CEP295: variants seen among roughly 807,000 people sequenced by gnomAD.
CEP295 encodes the protein centrosomal protein of 295 kDa.
Under a neutral mutation model 291.6 loss-of-function variants are expected in CEP295, and 190 were observed. That is an observed-to-expected ratio of 0.65 (90% confidence interval 0.58 to 0.73). The LOEUF is 0.73. Ranked by LOEUF, CEP295 falls within the 30% of genes least tolerant of loss-of-function variation. CEP295 has a pLI of 0.00. For missense variants in CEP295, 2,863 were observed against 2,949.4 expected (o/e 0.97, Z 0.68); for synonymous variants, 993 against 1,038.8 (o/e 0.96, Z 0.85).
intron 3 of CEP295, 97 bp downstream of exon 3, chr11:93,667,904 AT>A (rs773071230): frequency 1.6e-4 from 137 of 856,568 alleles, no homozygotes; most frequent in Non-Finnish European, 2.2e-4. Context: ...ATTTTCATGC[AT>A]TGAATTTCTT....
chr11:93,722,083 A>C, intron 20 of CEP295, 33 bp downstream of exon 20: 1 of 1,286,736 alleles, frequency 7.8e-7, no homozygotes, highest in African/African-American at 1.5e-5. Context: ...AAATAAGTTG[A>C]AAGACCGGCA....
intron 12 of CEP295, among the ~76,000 whole-genome samples, chr11:93,692,972 CAAA>C (rs780110779): frequency 1.3e-5 from 1 of 77,810 alleles, no homozygotes. Context: ...GACTCTATCT[CAAA>C]AAAAAAAAAA....
In CEP295 at chr11:93,684,898, C is replaced by T. The variant is rs80209791; in HGVS notation, c.1114+770C>T. On this transcript the variant is annotated intron_variant, in intron 9 of 29. Coordinates refer to ENST00000325212, the MANE Select transcript of CEP295 (RefSeq NM_033395.2). ...GATCATCAGAGATCCTACTGGTATT[C>T]AGTTATTTCTAGGTACTTCGTGTGT... 3.6e-3 allele frequency among the ~76,000 whole-genome samples: 546 copies of T among 152,312 alleles called. 4 individuals are homozygous for T. Among genetic ancestry groups the T allele is most frequent in the African/African-American group, 0.012 (516 of 41,568 alleles).
intron 9 of CEP295, among the ~76,000 whole-genome samples, chr11:93,686,247 A>G (rs1046469465): frequency 6.6e-6 from 1 of 151,874 alleles, no homozygotes; most frequent in Non-Finnish European, 1.5e-5. Context: ...TGAACCTGGG[A>G]GACAAAGGCT....
At chr11:93,676,416 G>T (rs891541986) in intron 6 of CEP295, among the ~76,000 whole-genome samples, 2 of 151,800 alleles carry the variant, frequency 1.3e-5, no homozygotes, top group Non-Finnish European at 2.9e-5. Context: ...GTCAGTGGGG[G>T]TTTTAATTTT....
chr11:93,687,557 A>G, intron 9 of CEP295, 87 bp from the exon 10 acceptor site: 1 of 687,088 alleles, frequency 1.5e-6, no homozygotes, highest in Non-Finnish European at 2.4e-6. Context: ...ACTAGTGGTT[A>G]TAGCAGTAAC....
chr11:93,683,553 T>G lies in CEP295; in HGVS notation c.766-6T>G. 6.7e-7 allele frequency: 1 copy of G among 1,496,392 alleles called. No homozygotes were observed. The highest frequency in any genetic ancestry group is 8.9e-7 in the Non-Finnish European group (1 of 1,128,246). The allele number at this position is 1,496,392 out of a possible 1,614,324, so 92.7% of individuals were successfully genotyped here. A position where few individuals can be genotyped will look rare whatever the true frequency, so the allele number is the denominator to read the frequency against. ...CAGTTTTTGTTAATTCTCTTTATTC[T>G]TGAAGAATCAGGAGAAACTAATGAA... is the stretch of plus-strand genomic sequence containing the variant. On this transcript the variant is annotated splice_region_variant and splice_polypyrimidine_tract_variant and intron_variant, in intron 7 of 29. Transcript: ENST00000325212.
chr11:93,724,360 CA>C lies in CEP295; in HGVS notation c.6304del (p.Arg2102GlufsTer29). Reference protein sequence around the residue: ...SSSSGISPDNRDFYQRSDSSS... With the variant: ...SSSSGISPDNXDFYQRSDSSS... Reference sequence around the variant, plus strand: ...CATCCTCTGGGATTTCTCCAGACAACAGAGACTTTTACCAGGTATATTAAAG... The same window carrying C: ...CATCCTCTGGGATTTCTCCAGACAACGAGACTTTTACCAGGTATATTAAAG... On this transcript the variant is annotated frameshift_variant, in exon 22 of 30. Transcript: ENST00000325212. LOFTEE classifies it high-confidence loss of function. 3 of 1,550,106 alleles carry C rather than the reference CA, an allele frequency of 1.9e-6. No homozygotes were observed. The highest frequency in any genetic ancestry group is 2.6e-6 in the Non-Finnish European group (3 of 1,145,642).
intron 18 of CEP295, among the ~76,000 whole-genome samples, chr11:93,713,488 C>G (rs1212820784): frequency 6.6e-6 from 1 of 152,178 alleles, no homozygotes; most frequent in Non-Finnish European, 1.5e-5. Flanking sequence ...TGTCATGCCA[C>G]TCGCTCCTGG....
chr11:93,716,330 C>A (rs948093690), intron 18 of CEP295, among the ~76,000 whole-genome samples: 1 of 152,162 alleles, frequency 6.6e-6, no homozygotes, highest in Non-Finnish European at 1.5e-5. Context: ...ATTCTCTCTC[C>A]GCACCATGTG....
chr11:93,716,661 T>C, intron 18 of CEP295, among the ~76,000 whole-genome samples: 1 of 152,174 alleles, frequency 6.6e-6, no homozygotes, highest in East Asian at 1.9e-4. Flanking sequence ...GGGGGTGGGC[T>C]AGCTTGAAGC....
In CEP295 at chr11:93,727,534, A is replaced by T. The variant is rs1426089706; in HGVS notation, c.7058A>T (p.Glu2353Val). 6.4e-7 allele frequency: 1 copy of T among 1,551,654 alleles called. No individual in the cohort carries two copies. Among genetic ancestry groups the T allele is most frequent in the Admixed American group, 2.0e-5 (1 of 51,002 alleles). Residue 2353 changes from glutamate (E) to valine (V), a missense_variant, in exon 24 of 30, where the codon GAA (glutamate) becomes GTA (valine). Around this residue, in one of 3 missense-constraint regions of CEP295, gnomAD observed 2,295 missense variants for 2,335.7 expected, o/e 0.98. Transcript: ENST00000325212. The part of the protein sequence containing the change: ...QNEKYFENSA[E>V]TDIPKITKKL... ...GAAAAATATTTTGAGAATTCAGCTG[A>T]AACAGACATTCCAAAAATCACCAAA... is the stretch of plus-strand genomic sequence containing the variant.
rs1039897581 is a variant in CEP295 at position 93,727,150 on chromosome 11, T to C, written c.6674T>C (p.Ile2225Thr). 1 of 1,550,506 alleles carries C rather than the reference T, an allele frequency of 6.4e-7. No individual in the cohort carries two copies. The highest frequency in any genetic ancestry group is 1.2e-5 in the South Asian group (1 of 83,760). The change falls in exon 24 of 30, where the codon ATT (isoleucine) becomes ACT (threonine). Residue 2225 changes from isoleucine (I) to threonine (T), a missense_variant. Coordinates refer to ENST00000325212, the MANE Select transcript of CEP295 (RefSeq NM_033395.2). ...HTEILQNKKK[I>T]VHFQLSIGNL... ...GAAATATTACAAAACAAGAAAAAAATTGTTCATTTCCAGCTTTCTATAGGA... is the reference window on the plus strand; with the variant it reads ...GAAATATTACAAAACAAGAAAAAAACTGTTCATTTCCAGCTTTCTATAGGA...
chr11:93,720,150 CA>C (rs2135298570), intron 18 of CEP295, among the ~76,000 whole-genome samples: 1 of 150,426 alleles, frequency 6.6e-6, no homozygotes, highest in South Asian at 2.1e-4. Context: ...TTCAGGCTAG[CA>C]GTTCAAGACC....
intron 18 of CEP295, among the ~76,000 whole-genome samples, chr11:93,717,742 TTTTC>T (rs1953377608): frequency 6.6e-6 from 1 of 152,174 alleles, no homozygotes; most frequent in Non-Finnish European, 1.5e-5. Context: ...CTCATTTTTT[TTTTC>T]TTTATCAGGG....
intron 18 of CEP295, among the ~76,000 whole-genome samples, chr11:93,715,520 C>A (rs1953182288): frequency 6.6e-6 from 1 of 152,106 alleles, no homozygotes; most frequent in African/African-American, 2.4e-5. Context: ...AGGCAAAGTC[C>A]CCTTTATTCT....
Position 93,699,912 on chromosome 11 carries a change from G to A in CEP295, c.5000G>A (p.Ser1667Asn), listed in dbSNP as rs182524949. ...CCTTTTGCAGAAGCTAAACCTAAAA[G>A]CACTTGTGAATTGTATTCATCCCAG... Reference protein sequence around the residue: ...PLPFAEAKPKSTCELYSSQNE... With the variant: ...PLPFAEAKPKNTCELYSSQNE... The change falls in exon 15 of 30, where the codon AGC becomes AAC. Residue 1667 changes from serine to asparagine, a missense_variant. Coordinates refer to ENST00000325212, the MANE Select transcript of CEP295 (RefSeq NM_033395.2). The A allele has an allele frequency of 1.9e-6, 3 of 1,551,726 alleles. No individual in the cohort carries two copies. Among genetic ancestry groups the A allele is most frequent in the Non-Finnish European group, 2.6e-6 (3 of 1,147,000 alleles).
intron 18 of CEP295, among the ~76,000 whole-genome samples, chr11:93,712,877 G>GTTGTTT (rs1316557048): frequency 1.0e-4 from 15 of 146,124 alleles, no homozygotes; most frequent in African/African-American, 3.8e-4. Flanking sequence ...TGTTGTTGTT[G>GTTGTTT]TTGTTGTTGT....
In CEP295 at chr11:93,730,299, ATT is replaced by A; in HGVS notation, c.*31_*32del. On this transcript the variant is annotated 3_prime_UTR_variant, in exon 30 of 30. Transcript: ENST00000325212. ...CTAGAAATAGTGTAAAGGTTTTTTA[ATT>A]GTGTATATGTAGCATTAGACAAAAT... 1.4e-6 allele frequency: 2 copies of A among 1,429,384 alleles called. No homozygotes were observed. Among genetic ancestry groups the A allele is most frequent in the Non-Finnish European group, 1.9e-6 (2 of 1,037,310 alleles). 88.5% of individuals were successfully genotyped at this position (1,429,384 alleles called of 1,614,324 possible). A position where few individuals can be genotyped will look rare whatever the true frequency, so the allele number is the denominator to read the frequency against.
Sources: gnomAD v4.1 joint callset for allele counts (sites outside exome capture counted in the v4.1 genomes callset) on GRCh38, gnomAD v4.1.1 for gene constraint, gnomAD v4.1.1 regional missense constraint, MANE v1.5 for transcripts, NCBI Gene and HGNC (gene_info 2026-07-23, HGNC 2026-07-21) for gene names.